Variants in DCDC2 observed in about 807,000 individuals in gnomAD.
The protein encoded by DCDC2 is doublecortin domain containing 2, also known as doublecortin domain-containing protein 2.
Under a neutral mutation model 50.2 loss-of-function variants are expected in DCDC2, and 40 were observed. The ratio of observed to expected loss-of-function variants is 0.80; its 90% CI spans 0.62 to 1.04. The LOEUF (loss-of-function observed/expected upper bound fraction) is 1.04, where lower values mean the gene tolerates loss of function less well. Among genes scored for constraint, DCDC2 ranks in the 50% least tolerant of loss-of-function variants. DCDC2 has a pLI of 0.00. For synonymous variants in DCDC2, 234 were observed against 210.6 expected (o/e 1.11, Z -0.96); for missense variants, 570 against 581.9 (o/e 0.98, Z 0.21).
intron 7 of DCDC2, among the ~76,000 whole-genome samples, chr6:24,240,730 A>G (rs1056751082): frequency 3.3e-5 from 5 of 152,226 alleles, no homozygotes; most frequent in Admixed American, 1.3e-4. Flanking sequence ...AACAAGAGGT[A>G]GCACACACAG....
intron 7 of DCDC2, among the ~76,000 whole-genome samples, chr6:24,256,366 T>C (rs1403409171): frequency 5.3e-5 from 8 of 152,154 alleles, no homozygotes; most frequent in Middle Eastern, 3.4e-3. Flanking sequence ...AAGCACTCTT[T>C]TGTATGTACA....
At chr6:24,290,803 T>C (rs766481219) in intron 5 of DCDC2, 129 bp downstream of exon 5, 4 of 799,104 alleles carry the variant, frequency 5.0e-6, no homozygotes, top group South Asian at 2.3e-5. Context: ...ATGTATACCA[T>C]ATATGCTTTC....
intron 7 of DCDC2, among the ~76,000 whole-genome samples, chr6:24,241,235 G>A (rs1364308289): frequency 6.6e-6 from 1 of 152,114 alleles, no homozygotes; most frequent in Non-Finnish European, 1.5e-5. Context: ...TTCTCTACAG[G>A]CATTTTCAAA....
intron 8 of DCDC2, among the ~76,000 whole-genome samples, chr6:24,183,194 A>C (rs973026432): frequency 3.6e-4 from 55 of 152,306 alleles, no homozygotes; most frequent in African/African-American, 1.3e-3. Context: ...GCAAGACGAA[A>C]AGAGGTTTGG....
intron 2 of DCDC2, among the ~76,000 whole-genome samples, chr6:24,327,251 A>G (rs1039903542): frequency 6.7e-6 from 1 of 149,396 alleles, no homozygotes; most frequent in Non-Finnish European, 1.5e-5. Flanking sequence ...ACTTTTGACT[A>G]TAAACCCTGA....
At chr6:24,359,872 G>A (rs1336730789), upstream of DCDC2, among the ~76,000 whole-genome samples, 1 of 152,202 alleles carries the variant, frequency 6.6e-6, no homozygotes, top group Non-Finnish European at 1.5e-5. Context: ...CGAAGCTCGG[G>A]TGCGCATCAC....
chr6:24,279,245 T>C (rs1361029835), intron 6 of DCDC2, among the ~76,000 whole-genome samples: 1 of 152,138 alleles, frequency 6.6e-6, no homozygotes, highest in Non-Finnish European at 1.5e-5. Flanking sequence ...AGCTCCAGCC[T>C]GTAGTCCCAG....
chr6:24,310,897 A>G (rs1394429000), intron 2 of DCDC2, among the ~76,000 whole-genome samples: 4 of 152,104 alleles, frequency 2.6e-5, no homozygotes, highest in African/African-American at 4.8e-5. Context: ...TCCCCACTCA[A>G]AATTATTTTA....
chr6:24,223,115 C>T (rs182853487), intron 7 of DCDC2, among the ~76,000 whole-genome samples: 1 of 152,276 alleles, frequency 6.6e-6, no homozygotes, highest in Admixed American at 6.5e-5. Flanking sequence ...TATCAGAAAA[C>T]TTTTGGAAAA....
intron 8 of DCDC2, among the ~76,000 whole-genome samples, chr6:24,180,370 C>T (rs10085260): frequency 0.2 from 30,444 of 151,876 alleles, 3,647 homozygotes; most frequent in African/African-American, 0.32. Flanking sequence ...CTGCAAGCCC[C>T]GCTTCCCCGG....
At chr6:24,303,253 A>G (rs1024801655) in intron 2 of DCDC2, among the ~76,000 whole-genome samples, 2 of 152,056 alleles carry the variant, frequency 1.3e-5, no homozygotes, top group African/African-American at 2.4e-5. Context: ...TCCACCTTTA[A>G]TACTGGAAGA....
At chr6:24,219,417 C>A (rs920345197) in intron 7 of DCDC2, among the ~76,000 whole-genome samples, 4 of 152,208 alleles carry the variant, frequency 2.6e-5, no homozygotes, top group Non-Finnish European at 4.4e-5. Context: ...TTTTCAAGTT[C>A]ACAGGCAGCA....
intron 9 of DCDC2, among the ~76,000 whole-genome samples, chr6:24,176,414 A>ATG (rs1760913799): frequency 6.6e-6 from 1 of 152,024 alleles, no homozygotes; most frequent in Non-Finnish European, 1.5e-5. Flanking sequence ...GGTCAATGCC[A>ATG]AATTACATAA....
intron 7 of DCDC2, among the ~76,000 whole-genome samples, chr6:24,232,564 G>C (rs181079793): frequency 7.9e-5 from 12 of 152,238 alleles, no homozygotes; most frequent in Admixed American, 6.5e-4. Flanking sequence ...TTACAATTGA[G>C]AACAGAATTG....
intron 7 of DCDC2, among the ~76,000 whole-genome samples, chr6:24,249,094 T>A (rs72830842): frequency 0.095 from 14,468 of 152,188 alleles, 858 homozygotes; most frequent in East Asian, 0.17. Flanking sequence ...TTTAATATAT[T>A]AAAACTCTTA....
At chr6:24,289,620 A>C (rs1296517237) in intron 5 of DCDC2, among the ~76,000 whole-genome samples, 1 of 152,212 alleles carries the variant, frequency 6.6e-6, no homozygotes, top group Non-Finnish European at 1.5e-5. Context: ...ATGGCTAAAG[A>C]TTTGATTTCA....
At chr6:24,316,425 G>A (rs557629350) in intron 2 of DCDC2, among the ~76,000 whole-genome samples, 1 of 152,238 alleles carries the variant, frequency 6.6e-6, no homozygotes, top group Admixed American at 6.6e-5. Flanking sequence ...AACCATTTCA[G>A]AAGCTAAGAG....
At chr6:24,213,780 T>C (rs72828981) in intron 7 of DCDC2, among the ~76,000 whole-genome samples, 4,227 of 152,208 alleles carry the variant, frequency 0.028, 78 homozygotes, top group South Asian at 0.06. Flanking sequence ...GTAATAACAC[T>C]TCCTTATGAA....
rs28993071 is a variant in DCDC2, at chr6:24,186,253, A to T, written c.1024-7621T>A. 4.9e-3 allele frequency among the ~76,000 whole-genome samples: 746 copies of T among 152,370 alleles called. 6 individuals are homozygous for T. The highest frequency in any genetic ancestry group is 0.014 in the Middle Eastern group (4 of 294). ...ACAGGTTGGCAGTAGCCAGTTATGG[A>T]TGTAATATGTAATGCCAAACATTTA... On this transcript the variant is annotated intron_variant, in intron 8 of 9. Coordinates refer to ENST00000378454, the MANE Select transcript of DCDC2 (RefSeq NM_016356.5).
Sources: allele counts gnomAD v4.1 joint callset (sites outside exome capture counted in the v4.1 genomes callset), GRCh38; gene constraint gnomAD v4.1.1; transcripts MANE v1.5; gene names NCBI Gene and HGNC (gene_info 2026-07-23, HGNC 2026-07-21).